Variants in CSMD1 observed in about 807,000 individuals in gnomAD.
CSMD1 encodes CUB and sushi domain-containing protein 1.
A neutral mutation model predicts 417.5 loss-of-function variants in CSMD1; 213 were observed. That is an observed-to-expected ratio of 0.51 (90% CI 0.46 to 0.57). The LOEUF (loss-of-function observed/expected upper bound fraction) is 0.57. Ranked by LOEUF, CSMD1 falls within the 20% of genes least tolerant of loss-of-function variation. CSMD1 has a pLI of 0.00. For synonymous variants in CSMD1, 2,862 were observed against 1,736.8 expected (o/e 1.65, Z -16.11); for missense variants, 6,923 against 4,529.7 (o/e 1.53, Z -15.17).
At position 4,806,977 on chromosome 8, in the gene CSMD1, A is replaced by T. The variant is rs1390089600; in HGVS notation, c.86-169419T>A. On this transcript the variant is annotated intron_variant, in intron 1 of 69. Transcript: ENST00000635120. ...ATTCTATGTGGCATTTTGATTTTTC[A>T]AAAGAACCACATACAAAGACTAACT... 2.6e-5 allele frequency among the ~76,000 whole-genome samples: 4 copies of T among 152,346 alleles called. No individual in the cohort carries two copies. The East Asian group carries it at 5.8e-4, about 22-fold the overall frequency.
intron 5 of CSMD1, among the ~76,000 whole-genome samples, chr8:3,833,522 T>C (rs1220593270): frequency 1.3e-5 from 2 of 152,156 alleles, no homozygotes; most frequent in Non-Finnish European, 2.9e-5. Flanking sequence ...TTCAGAATTT[T>C]TTTCAATGAA....
At chr8:4,174,169 G>C (rs541526642) in intron 3 of CSMD1, among the ~76,000 whole-genome samples, 2 of 152,242 alleles carry the variant, frequency 1.3e-5, no homozygotes, top group East Asian at 1.9e-4. Context: ...GCCCCTAGAG[G>C]AGAATGTTAA....
intron 4 of CSMD1, among the ~76,000 whole-genome samples, chr8:4,003,130 A>T (rs1815826428): frequency 6.6e-6 from 1 of 152,166 alleles, no homozygotes; most frequent in African/African-American, 2.4e-5. Context: ...GCGGTGGCTG[A>T]TGCCTGTAGT....
intron 2 of CSMD1, among the ~76,000 whole-genome samples, chr8:4,462,227 AAAAAG>A (rs1487864582): frequency 2.0e-5 from 3 of 152,188 alleles, no homozygotes; most frequent in Non-Finnish European, 2.9e-5. Flanking sequence ...CATGAAATTT[AAAAAG>A]AAAACAATCC....
Position 3,493,610 on chromosome 8 carries a change from A to T in CSMD1, c.1448+13T>A. 1 of 1,596,888 alleles carries T rather than the reference A, an allele frequency of 6.3e-7. No individual in the cohort carries two copies. Among genetic ancestry groups the T allele is most frequent in the Non-Finnish European group, 8.5e-7 (1 of 1,170,196 alleles). On this transcript the variant is annotated intron_variant, in intron 11 of 69. Coordinates refer to ENST00000635120, the MANE Select transcript of CSMD1 (RefSeq NM_033225.6). ...CATGCATAAGAGAAGAAGAAGCTCA[A>T]GGACATACTCACACGTACAAGACCG...
chr8:4,500,549 G>C (rs992001523), intron 2 of CSMD1, among the ~76,000 whole-genome samples: 2 of 152,026 alleles, frequency 1.3e-5, no homozygotes, highest in African/African-American at 4.8e-5. Context: ...TTTATCTTGG[G>C]TGCCACAGAC....
At chr8:4,526,588 AC>A (rs1160694567) in intron 2 of CSMD1, among the ~76,000 whole-genome samples, 1 of 152,244 alleles carries the variant, frequency 6.6e-6, no homozygotes, top group Non-Finnish European at 1.5e-5. Context: ...ACATTGGTAA[AC>A]ACTGATCATG....
chr8:3,661,609 G>T (rs534746118), intron 7 of CSMD1, among the ~76,000 whole-genome samples: 1 of 151,912 alleles, frequency 6.6e-6, no homozygotes, highest in Admixed American at 6.6e-5. Context: ...TGATTCTCCC[G>T]CCTCAGCCTC....
At chr8:3,595,568 G>A (rs141219089) in intron 8 of CSMD1, among the ~76,000 whole-genome samples, 10 of 152,244 alleles carry the variant, frequency 6.6e-5, no homozygotes, top group Non-Finnish European at 1.0e-4. Flanking sequence ...GCCCAACAAA[G>A]ATCCCTTAAT....
chr8:4,791,607 C>A (rs1280408552), intron 1 of CSMD1, among the ~76,000 whole-genome samples: 1 of 152,158 alleles, frequency 6.6e-6, no homozygotes, highest in Non-Finnish European at 1.5e-5. Flanking sequence ...CCTTAAGCAG[C>A]AATGTTACCA....
chr8:4,927,569 T>C (rs182290528), intron 1 of CSMD1, among the ~76,000 whole-genome samples: 2 of 152,276 alleles, frequency 1.3e-5, no homozygotes, highest in East Asian at 1.9e-4. Context: ...GTAAGAGTTA[T>C]GCCTTACTAA....
intron 5 of CSMD1, among the ~76,000 whole-genome samples, chr8:3,847,328 C>T (rs185431813): frequency 6.6e-6 from 1 of 151,998 alleles, no homozygotes; most frequent in Non-Finnish European, 1.5e-5. Context: ...TTAGAGGAAC[C>T]CTTAAAAGTG....
At chr8:4,686,211 G>A (rs1806379350) in intron 1 of CSMD1, among the ~76,000 whole-genome samples, 1 of 152,202 alleles carries the variant, frequency 6.6e-6, no homozygotes, top group African/African-American at 2.4e-5. Context: ...AGTTAGTAAG[G>A]CTTTTCTTTC....
chr8:3,300,118 ACTAT>A (rs1804273860), intron 25 of CSMD1, among the ~76,000 whole-genome samples: 2 of 152,238 alleles, frequency 1.3e-5, no homozygotes, highest in Admixed American at 1.3e-4. Context: ...GCAATGGAAT[ACTAT>A]CCGGTAACTA....
At chr8:4,548,984 ATTTT>A (rs1167041556) in intron 2 of CSMD1, among the ~76,000 whole-genome samples, 1 of 152,126 alleles carries the variant, frequency 6.6e-6, no homozygotes, top group Admixed American at 6.5e-5. Flanking sequence ...ACGCAATTGT[ATTTT>A]TTTATTTCCA....
At chr8:4,111,181 A>G (rs1047171443) in intron 3 of CSMD1, among the ~76,000 whole-genome samples, 2 of 152,124 alleles carry the variant, frequency 1.3e-5, no homozygotes, top group Non-Finnish European at 2.9e-5. Flanking sequence ...CCTGTTCCCA[A>G]TATTTTTGTT....
intron 50 of CSMD1, among the ~76,000 whole-genome samples, chr8:3,050,852 G>T (rs1811774116): frequency 6.6e-6 from 1 of 152,296 alleles, no homozygotes; most frequent in East Asian, 1.9e-4. Flanking sequence ...TAGACAAAAA[G>T]AAGCCAATGA....
At chr8:4,404,119 C>T (rs1399882107) in intron 3 of CSMD1, among the ~76,000 whole-genome samples, 1 of 152,162 alleles carries the variant, frequency 6.6e-6, no homozygotes, top group Non-Finnish European at 1.5e-5. Context: ...TCCAGAATTC[C>T]ACGCGAGTGT....
chr8:3,919,779 T>C (rs1809101345), intron 5 of CSMD1, among the ~76,000 whole-genome samples: 2 of 152,162 alleles, frequency 1.3e-5, no homozygotes, highest in Non-Finnish European at 2.9e-5. Context: ...AAGCTATCTT[T>C]CCATTTGTTT....
Sources: gnomAD v4.1 joint callset for allele counts (sites outside exome capture counted in the v4.1 genomes callset) on GRCh38, gnomAD v4.1.1 for gene constraint, MANE v1.5 for transcripts, NCBI Gene and HGNC (gene_info 2026-07-23, HGNC 2026-07-21) for gene names.